Variants in RSU1 observed in about 807,000 individuals in gnomAD.
RSU1 encodes the protein rsu-1.
Under a neutral mutation model 31.1 loss-of-function variants are expected in RSU1, and 26 were observed. The ratio of observed to expected loss-of-function variants is 0.84; its 90% CI spans 0.61 to 1.16. RSU1 has a LOEUF of 1.16. Ranked by LOEUF, RSU1 falls within the 50% of genes most tolerant of loss-of-function variation. The probability of loss-of-function intolerance (pLI) is 0.00; values close to 1 mark genes in which losing one functional copy is unlikely to be tolerated. For missense variants in RSU1, 320 were observed against 339.1 expected (o/e 0.94, Z 0.44); for synonymous variants, 164 against 136.3 (o/e 1.20, Z -1.41).
chr10:16,653,743 GAAGAT>G (rs1834725378), intron 8 of RSU1, among the ~76,000 whole-genome samples: 1 of 152,066 alleles, frequency 6.6e-6, no homozygotes, highest in Non-Finnish European at 1.5e-5. Flanking sequence ...AGAGCAGAAA[GAAGAT>G]AATATCGGAC....
chr10:16,713,371 A>G (rs1836062698), intron 7 of RSU1, among the ~76,000 whole-genome samples: 1 of 152,186 alleles, frequency 6.6e-6, no homozygotes, highest in Non-Finnish European at 1.5e-5. Context: ...CATGAGTCCC[A>G]CAGGCTTTCT....
chr10:16,599,409 A>G lies in RSU1; in HGVS notation c.732-5913T>C, dbSNP rs571968551. Among the ~76,000 whole-genome samples the G allele has an allele frequency of 1.2e-4, 18 of 152,234 alleles. No individual in the cohort carries two copies. The South Asian group carries it at 1.9e-3, about 16-fold the overall frequency. On this transcript the variant is annotated intron_variant, in intron 8 of 8. Coordinates refer to ENST00000345264, the MANE Select transcript of RSU1 (RefSeq NM_012425.4). ...CTAGACAGCATGTGCCCTCAGGGCCACTGCAGCTCTCTGCTCATGTGGTAC... is the reference window on the plus strand; with the variant it reads ...CTAGACAGCATGTGCCCTCAGGGCCGCTGCAGCTCTCTGCTCATGTGGTAC...
chr10:16,600,984 T>C (rs551447139), intron 8 of RSU1, among the ~76,000 whole-genome samples: 1 of 152,328 alleles, frequency 6.6e-6, no homozygotes, highest in East Asian at 1.9e-4. Flanking sequence ...CGCGGAGCCA[T>C]TCATTCTTAA....
chr10:16,727,067 T>C (rs547027978), intron 7 of RSU1: 12 of 456,500 alleles, frequency 2.6e-5, no homozygotes, highest in Non-Finnish European at 4.4e-5. Context: ...AGGAACTAAT[T>C]AATGTGCATT....
At chr10:16,599,565 C>T (rs1437678720) in intron 8 of RSU1, among the ~76,000 whole-genome samples, 1 of 152,192 alleles carries the variant, frequency 6.6e-6, no homozygotes, top group African/African-American at 2.4e-5. Context: ...GGGGAACCTC[C>T]CTCACCTCCC....
chr10:16,817,141 G>T, intron 1 of RSU1, 57 bp from the exon 2 acceptor site: 1 of 1,276,214 alleles, frequency 7.8e-7, no homozygotes, highest in Non-Finnish European at 1.1e-6. Flanking sequence ...GAGGCGGAAA[G>T]GCAAGAGGCC....
chr10:16,595,097 A>G (rs2131450702), intron 8 of RSU1, among the ~76,000 whole-genome samples: 1 of 151,678 alleles, frequency 6.6e-6, no homozygotes, highest in East Asian at 1.9e-4. Context: ...AAATTATTTT[A>G]ATAGACATGG....
chr10:16,708,946 T>C (rs1003025462), intron 7 of RSU1, among the ~76,000 whole-genome samples: 2 of 59,478 alleles, frequency 3.4e-5, no homozygotes, highest in African/African-American at 3.1e-4. Flanking sequence ...TTGTATCCCA[T>C]AACTACTGAA....
chr10:16,788,777 A>G (rs1445699989), intron 2 of RSU1, among the ~76,000 whole-genome samples: 1 of 152,246 alleles, frequency 6.6e-6, no homozygotes, highest in Non-Finnish European at 1.5e-5. Flanking sequence ...AAGAAGTTGT[A>G]CAAGGTATTT....
chr10:16,612,802 G>A (rs536090044), intron 8 of RSU1, among the ~76,000 whole-genome samples: 26 of 152,302 alleles, frequency 1.7e-4, no homozygotes, highest in East Asian at 3.9e-4. Flanking sequence ...ATGCAATGGA[G>A]CAATTTGCAA....
intron 8 of RSU1, among the ~76,000 whole-genome samples, chr10:16,672,718 G>C (rs1007614986): frequency 6.6e-6 from 1 of 152,024 alleles, no homozygotes; most frequent in Non-Finnish European, 1.5e-5. Flanking sequence ...CTGGGGATGG[G>C]GGAAATGAAG....
intron 8 of RSU1, among the ~76,000 whole-genome samples, chr10:16,685,551 T>C (rs1011640405): frequency 2.7e-5 from 4 of 150,276 alleles, no homozygotes; most frequent in African/African-American, 1.0e-4. Flanking sequence ...GGTAACTTCC[T>C]GACATTGCCA....
At position 16,703,854 on chromosome 10, in the gene RSU1, C is replaced by T. The variant is rs191714121; in HGVS notation, c.599-8699G>A. On this transcript the variant is annotated intron_variant, in intron 7 of 8. Transcript: ENST00000345264. ...ATTTAAAGTGGTTATTTTTGGATGACAGATCATAAATGCTACCCTTTTCTG... is the reference window on the plus strand; with the variant it reads ...ATTTAAAGTGGTTATTTTTGGATGATAGATCATAAATGCTACCCTTTTCTG... Among the ~76,000 whole-genome samples the T allele has an allele frequency of 4.6e-3, 694 of 152,286 alleles. 7 individuals carry two copies. Among genetic ancestry groups the T allele is most frequent in the African/African-American group, 0.016 (676 of 41,568 alleles).
intron 8 of RSU1, among the ~76,000 whole-genome samples, chr10:16,603,278 C>T (rs893044689): frequency 2.0e-5 from 3 of 152,128 alleles, no homozygotes; most frequent in Admixed American, 2.0e-4. Context: ...ATATATAAGG[C>T]AGATTTCAAA....
At chr10:16,620,433 G>A (rs1347856935) in intron 8 of RSU1, among the ~76,000 whole-genome samples, 1 of 152,024 alleles carries the variant, frequency 6.6e-6, no homozygotes, top group East Asian at 1.9e-4. Flanking sequence ...CTGACATTCA[G>A]TGGGGAGACC....
At chr10:16,800,493 T>C (rs969683461) in intron 2 of RSU1, among the ~76,000 whole-genome samples, 1 of 152,148 alleles carries the variant, frequency 6.6e-6, no homozygotes, top group African/African-American at 2.4e-5. Flanking sequence ...AAGGAAAGAA[T>C]CAGTGATCTT....
chr10:16,731,652 C>T (rs1216982211), intron 7 of RSU1, among the ~76,000 whole-genome samples: 3 of 152,160 alleles, frequency 2.0e-5, no homozygotes, highest in African/African-American at 7.2e-5. Flanking sequence ...CAAACCTTTA[C>T]TATCACTTTG....
At chr10:16,705,919 G>C (rs1835890253) in intron 7 of RSU1, among the ~76,000 whole-genome samples, 1 of 152,116 alleles carries the variant, frequency 6.6e-6, no homozygotes, top group Non-Finnish European at 1.5e-5. Context: ...TGGGATTATA[G>C]GCACACACCA....
At chr10:16,749,463 T>G (rs1336323511) in intron 7 of RSU1, among the ~76,000 whole-genome samples, 1 of 152,136 alleles carries the variant, frequency 6.6e-6, no homozygotes, top group African/African-American at 2.4e-5. Flanking sequence ...TGTATTCAGA[T>G]ATGTAAAAAA....
Sources: gnomAD v4.1 joint callset for allele counts (sites outside exome capture counted in the v4.1 genomes callset) on GRCh38, gnomAD v4.1.1 for gene constraint, MANE v1.5 for transcripts, NCBI Gene and HGNC (gene_info 2026-07-23, HGNC 2026-07-21) for gene names.